PARD3: variants seen among roughly 807,000 people sequenced by gnomAD.
The protein encoded by PARD3 is partitioning defective 3 homolog.
Under a neutral mutation model 155.4 loss-of-function variants are expected in PARD3, and 75 were observed. The ratio of observed to expected loss-of-function variants is 0.48; its 90% CI spans 0.40 to 0.58. The LOEUF (loss-of-function observed/expected upper bound fraction) is 0.58. Among genes scored for constraint, PARD3 ranks in the 20% least tolerant of loss-of-function variants. The probability of loss-of-function intolerance (pLI) is 0.00; values close to 1 mark genes in which losing one functional copy is unlikely to be tolerated. For missense variants in PARD3, 1,642 were observed against 1,721.7 expected, an observed-to-expected ratio of 0.95 and a Z score of 0.82; for synonymous variants, 576 against 610.5, an observed-to-expected ratio of 0.94 and a Z score of 0.83.
intron 2 of PARD3, among the ~76,000 whole-genome samples, chr10:34,621,861 A>G (rs773004958): frequency 2.4e-4 from 36 of 152,230 alleles, no homozygotes; most frequent in Non-Finnish European, 4.7e-4. Context: ...TCCAAACATT[A>G]TTTCACATAA....
intron 2 of PARD3, among the ~76,000 whole-genome samples, chr10:34,601,357 C>G (rs1284324968): frequency 6.6e-6 from 1 of 151,764 alleles, no homozygotes; most frequent in East Asian, 1.9e-4. Context: ...GCAGGAGGAT[C>G]TTGAGTCCAG....
intron 22 of PARD3, among the ~76,000 whole-genome samples, chr10:34,195,423 T>TAC (rs58340357): frequency 0.14 from 21,079 of 151,022 alleles, 2,222 homozygotes; most frequent in African/African-American, 0.3. Flanking sequence ...CTGCTACAAA[T>TAC]ACACACACAC....
At chr10:34,203,480 G>C (rs1211114309) in intron 22 of PARD3, among the ~76,000 whole-genome samples, 1 of 152,170 alleles carries the variant, frequency 6.6e-6, no homozygotes, top group Non-Finnish European at 1.5e-5. Flanking sequence ...AAAATCCACG[G>C]ATGTGCAAGT....
At chr10:34,364,149 A>G (rs1839730382) in intron 12 of PARD3, among the ~76,000 whole-genome samples, 1 of 152,202 alleles carries the variant, frequency 6.6e-6, no homozygotes, top group Non-Finnish European at 1.5e-5. Flanking sequence ...ATAAAAAAGG[A>G]AATAAGAGTT....
At chr10:34,206,675 A>G (rs1951495420) in intron 22 of PARD3, among the ~76,000 whole-genome samples, 1 of 152,212 alleles carries the variant, frequency 6.6e-6, no homozygotes, top group African/African-American at 2.4e-5. Flanking sequence ...TCCACTTTTA[A>G]CTACATGCAA....
rs757825254 is a variant in PARD3, at chr10:34,517,198, C to A, written c.223-39G>T. The stretch of plus-strand genomic sequence containing the variant: ...GTAAATGTGCACTTATAAATAAAGG[C>A]ACTTAATTAACTACCAAAATTTTGT... On this transcript the variant is annotated intron_variant, in intron 2 of 24. Coordinates refer to ENST00000374788, the MANE Select transcript of PARD3 (RefSeq NM_001184785.2). 7 of 1,575,906 alleles carry A rather than the reference C, an allele frequency of 4.4e-6. No individual in the cohort carries two copies. The South Asian group carries it at 4.6e-5, about 10-fold the overall frequency.
intron 7 of PARD3, 72 bp downstream of exon 7, chr10:34,399,258 C>A: frequency 1.0e-6 from 1 of 977,636 alleles, no homozygotes; most frequent in Non-Finnish European, 1.7e-6. Flanking sequence ...CAACACCACT[C>A]TCTATCTGAG....
intron 22 of PARD3, among the ~76,000 whole-genome samples, chr10:34,244,888 C>A (rs2133688461): frequency 6.6e-6 from 1 of 152,190 alleles, no homozygotes; most frequent in Non-Finnish European, 1.5e-5. Context: ...ATCCTTATCT[C>A]CTTAAGATAA....
chr10:34,632,626 T>C (rs528578421), intron 2 of PARD3, among the ~76,000 whole-genome samples: 2 of 152,328 alleles, frequency 1.3e-5, no homozygotes, highest in East Asian at 3.9e-4. Context: ...GAAATGCTGC[T>C]TTTGAGAGAA....
At chr10:34,814,331 G>A (rs1029511236) in intron 1 of PARD3, among the ~76,000 whole-genome samples, 51 of 152,128 alleles carry the variant, frequency 3.4e-4, no homozygotes, top group Non-Finnish European at 6.6e-4. Context: ...AGGGGACATG[G>A]AGGAAAAGCC....
chr10:34,309,394 A>C (rs375619807), intron 20 of PARD3, among the ~76,000 whole-genome samples: 1 of 151,890 alleles, frequency 6.6e-6, no homozygotes, highest in East Asian at 2.0e-4. Context: ...TCCCACCTCT[A>C]TATAAAATTT....
intron 2 of PARD3, among the ~76,000 whole-genome samples, chr10:34,646,801 AAGC>A (rs2092850837): frequency 6.6e-6 from 1 of 152,124 alleles, no homozygotes; most frequent in Admixed American, 6.6e-5. Context: ...TTAGCCTCCC[AAGC>A]AGCTGGGACC....
At chr10:34,694,470 CTTTTTTT>C (rs34628015) in intron 2 of PARD3, among the ~76,000 whole-genome samples, 26 of 101,922 alleles carry the variant, frequency 2.6e-4, no homozygotes, top group East Asian at 1.4e-3. Context: ...AAAACTTCTG[CTTTTTTT>C]TTTTTTTTTT....
chr10:34,755,045 C>A (rs747750609), intron 1 of PARD3, among the ~76,000 whole-genome samples: 2 of 152,078 alleles, frequency 1.3e-5, no homozygotes, highest in Non-Finnish European at 2.9e-5. Context: ...TTAAAACAGG[C>A]AGAGTGAGCC....
intron 3 of PARD3, among the ~76,000 whole-genome samples, chr10:34,482,709 C>T (rs1345594773): frequency 1.3e-5 from 2 of 152,084 alleles, no homozygotes; most frequent in Non-Finnish European, 2.9e-5. Context: ...CTTTCAGAAA[C>T]ATACCTTAAT....
intron 13 of PARD3, among the ~76,000 whole-genome samples, chr10:34,359,642 A>C (rs1839245907): frequency 1.3e-5 from 2 of 152,248 alleles, no homozygotes; most frequent in Admixed American, 1.3e-4. Context: ...TTAGAAACCA[A>C]GACATGTAAA....
intron 1 of PARD3, among the ~76,000 whole-genome samples, chr10:34,697,897 A>G (rs562406169): frequency 4.7e-4 from 71 of 152,254 alleles, no homozygotes; most frequent in Non-Finnish European, 7.9e-4. Context: ...AGACAGCTCC[A>G]GAATTTGGCA....
chr10:34,658,247 T>C (rs545397649), intron 2 of PARD3, among the ~76,000 whole-genome samples: 1 of 152,274 alleles, frequency 6.6e-6, no homozygotes, highest in African/African-American at 2.4e-5. Flanking sequence ...TAAGTACTAG[T>C]ACTAATAACT....
At chr10:34,401,689 T>C in intron 6 of PARD3, 137 bp downstream of exon 6, 1 of 697,848 alleles carries the variant, frequency 1.4e-6, no homozygotes. Context: ...AGATGTTCTT[T>C]AGAAAAACAA....
Sources: allele counts gnomAD v4.1 joint callset (sites outside exome capture counted in the v4.1 genomes callset), GRCh38; gene constraint gnomAD v4.1.1; transcripts MANE v1.5; gene names NCBI Gene and HGNC (gene_info 2026-07-23, HGNC 2026-07-21).